Variants in SSX5 observed in about 807,000 individuals in gnomAD.
The protein encoded by SSX5 is SSX family member 5.
A neutral mutation model predicts 14.9 loss-of-function variants in SSX5; 14 were observed. The observed-to-expected ratio is 0.94, with a 90% CI of 0.62 to 1.47. The LOEUF (loss-of-function observed/expected upper bound fraction) is 1.47, where lower values mean the gene tolerates loss of function less well. Among genes scored for constraint, SSX5 ranks in the 40% most tolerant of loss-of-function variants. The pLI is 0.00. For synonymous variants in SSX5, 70 were observed against 55.4 expected, an observed-to-expected ratio of 1.26 and a Z score of -1.17; for missense variants, 204 against 154.6, an observed-to-expected ratio of 1.32 and a Z score of -1.70.
In SSX5 at chrX:48,194,166, C is replaced by G; in HGVS notation, c.243G>C (p.Gly81=). 1 of 1,210,576 alleles carries G rather than the reference C, an allele frequency of 8.3e-7. No homozygotes were observed. Among genetic ancestry groups the G allele is most frequent in the South Asian group, 1.8e-5 (1 of 56,901 alleles). ...MRNKRVADFQ[G]NDFDNDPNRG... ...GGTTAGGGTCATTATCAAAATCATT[C>G]CCCTGGAAGTCTGCGACCCGTTTAT... The change falls in exon 4 of 8, where the codon GGG becomes GGC. Residue 81 remains glycine, a synonymous_variant. Transcript: ENST00000347757.
In SSX5 at chrX:48,194,796, G is replaced by C. The variant is rs781880821; in HGVS notation, c.128C>G (p.Ser43Trp). Residue 43 changes from serine (S) to tryptophan (W), a missense_variant, in exon 3 of 8, where the codon TCG becomes TGG. Transcript: ENST00000347757. ...CATATACACATAGATGATTTTCTCC[G>C]AGGCTTTCATCTTTTCCCACTCTTT... The part of the protein sequence containing the change: ...SEKEWEKMKA[S>W]EKIIYVYMKR... 1 of 1,210,386 alleles carries C rather than the reference G, an allele frequency of 8.3e-7. No homozygotes were observed. Among genetic ancestry groups the C allele is most frequent in the East Asian group, 3.0e-5 (1 of 33,834 alleles).
chrX:48,196,267 A>T (rs868962457), intron 1 of SSX5, among the ~76,000 whole-genome samples: 4 of 111,158 alleles, frequency 3.6e-5, no homozygotes, highest in Non-Finnish European at 3.8e-5. Flanking sequence ...TACTAAAACA[A>T]AACAAAATAA....
Position 48,194,156 on chromosome X carries a change from CA to C in SSX5, c.252del (p.Phe84LeufsTer16). 1 of 1,210,685 alleles carries C rather than the reference CA, an allele frequency of 8.3e-7. No individual in the cohort carries two copies. The highest frequency in any genetic ancestry group is 1.1e-6 in the Non-Finnish European group (1 of 895,122). On this transcript the variant is annotated frameshift_variant, in exon 4 of 8. Transcript: ENST00000347757. LOFTEE classifies it high-confidence loss of function. ...TGATTCCCACGGTTAGGGTCATTAT[CA>C]AAATCATTCCCCTGGAAGTCTGCGA... ...KRVADFQGNDFDNDPNRGNQV... is the reference protein window; with the variant it reads ...KRVADFQGNDXDNDPNRGNQV...
rs144712657 is a variant in SSX5 at position 48,194,257 on chromosome X, G to T, written c.185-33C>A. The T allele has an allele frequency of 2.8e-3, 3,292 of 1,180,734 alleles. 103 individuals carry two copies. In the East Asian group the frequency reaches 0.093, roughly 33 times the overall value. On this transcript the variant is annotated intron_variant, in intron 3 of 7. Coordinates refer to ENST00000347757, the MANE Select transcript of SSX5 (RefSeq NM_175723.2). ...GAAGCAAAATGTTTATTCCTTAAGA[G>T]ACAAGCTTAGGCCTGGTATGGTGGC... is the stretch of plus-strand genomic sequence containing the variant.
rs1295518233 is a variant in SSX5 at position 48,191,562 on chromosome X, A to C, written c.330+670T>G. Among the ~76,000 whole-genome samples, 9 of 111,664 alleles carry C rather than the reference A, an allele frequency of 8.1e-5. No homozygotes were observed. In the Admixed American group the frequency reaches 8.6e-4, roughly 11 times the overall value. On this transcript the variant is annotated intron_variant, in intron 5 of 7. Coordinates refer to ENST00000347757, the MANE Select transcript of SSX5 (RefSeq NM_175723.2). ...GTCAAAGCGATTCCTAAGCCATGCA[A>C]GTGGCCCCAGTAACAGATCAGAGAC...
At chrX:48,195,085 A>G (rs782399087) in intron 2 of SSX5, 1 of 1,211,486 alleles carries the variant, frequency 8.3e-7, no homozygotes, top group African/African-American at 1.7e-5. Flanking sequence ...ACGGACTGAG[A>G]TTCACCAAAT....
chrX:48,188,510 CTT>C (rs1556924212), intron 6 of SSX5, among the ~76,000 whole-genome samples: 1 of 112,391 alleles, frequency 8.9e-6, no homozygotes, highest in East Asian at 2.8e-4. Flanking sequence ...AGTTGACAAA[CTT>C]AATCGACAAA....
chrX:48,189,623 G>A (rs782361793), intron 6 of SSX5, among the ~76,000 whole-genome samples: 2 of 112,580 alleles, frequency 1.8e-5, no homozygotes, highest in Admixed American at 1.9e-4. Context: ...GTAGACTTCA[G>A]TATATTGTAA....
At chrX:48,190,013 C>A in intron 6 of SSX5, 120 bp downstream of exon 6, 3 of 978,128 alleles carry the variant, frequency 3.1e-6, no homozygotes, top group South Asian at 3.0e-5. Flanking sequence ...TGGAGCTGGG[C>A]GAGCTCCTCA....
chrX:48,192,372 A>T (rs1177217922), intron 4 of SSX5, 91 bp from the exon 5 acceptor site: 1 of 1,122,620 alleles, frequency 8.9e-7, no homozygotes, highest in Non-Finnish European at 1.2e-6. Flanking sequence ...TCTGCAGCAG[A>T]GGTTATGAGT....
chrX:48,195,216 C>T, intron 2 of SSX5, 74 bp downstream of exon 2: 1 of 1,205,205 alleles, frequency 8.3e-7, no homozygotes, highest in Non-Finnish European at 1.1e-6. Flanking sequence ...TACCTCTGTC[C>T]TCCCCTCCTC....
Position 48,186,871 on chromosome X carries a change from G to T in SSX5, c.*5-15C>A, listed in dbSNP as rs1556923858. 4.2e-6 allele frequency: 5 copies of T among 1,197,861 alleles called. No individual in the cohort carries two copies. The highest frequency in any genetic ancestry group is 3.5e-5 in the South Asian group (2 of 56,887). ...TATCCCCGAGGCTGAGGCAAGAAGC[G>T]AGAAGGAAAGTAAGTGGCAGTGAGT... On this transcript the variant is annotated splice_polypyrimidine_tract_variant and intron_variant, in intron 7 of 7. Transcript: ENST00000347757.
intron 5 of SSX5, among the ~76,000 whole-genome samples, 195 bp from the exon 6 acceptor site, chrX:48,190,463 T>A (rs1219776696): frequency 8.9e-6 from 1 of 111,943 alleles, no homozygotes; most frequent in Non-Finnish European, 1.9e-5. Flanking sequence ...GAATATGGTT[T>A]CCAGGGATAG....
Position 48,191,750 on chromosome X carries a change from C to T in SSX5, c.330+482G>A, listed in dbSNP as rs145096372. ...CTGGATTAGACTACCACTGCCACTG[C>T]GCCTCAGGAAAATTCTTTAACATCT... On this transcript the variant is annotated intron_variant, in intron 5 of 7. Coordinates refer to ENST00000347757, the MANE Select transcript of SSX5 (RefSeq NM_175723.2). 6.0e-3 allele frequency among the ~76,000 whole-genome samples: 676 copies of T among 112,170 alleles called. 5 individuals carry two copies. Among genetic ancestry groups the T allele is most frequent in the African/African-American group, 0.021 (656 of 30,929 alleles).
In SSX5 at chrX:48,186,784, G is replaced by A. The variant is rs1367204163; in HGVS notation, c.*77C>T. ...CTATACACCTGATGACGAGGGATCC[G>A]CAGCCATGCCCATGTTCGTGAAAGG... On this transcript the variant is annotated 3_prime_UTR_variant, in exon 8 of 8. Coordinates refer to ENST00000347757, the MANE Select transcript of SSX5 (RefSeq NM_175723.2). The A allele has an allele frequency of 5.0e-6, 6 of 1,195,070 alleles. No individual in the cohort carries two copies. Among genetic ancestry groups the A allele is most frequent in the African/African-American group, 3.5e-5 (2 of 56,928 alleles).
chrX:48,195,005 A>T (rs781912944), intron 2 of SSX5, 151 bp from the exon 3 acceptor site: 3 of 1,209,877 alleles, frequency 2.5e-6, no homozygotes, highest in African/African-American at 1.7e-5. Flanking sequence ...TGGGGCACCT[A>T]CCCTAGCTTC....
Position 48,187,634 on chromosome X carries a change from C to T in SSX5, c.564G>A (p.Glu188=). ...AGCCAAAGGTTCACTTACGGAGTTA[C>T]TCGTCATCTTCCTGAGGGTCGCTGA... The part of the protein sequence containing the change: ...EEISDPQEDD[E] The change falls in exon 7 of 8, where the codon GAG becomes GAA. Residue 188 remains glutamate, a synonymous_variant. Transcript: ENST00000347757. The T allele has an allele frequency of 8.3e-7, 1 of 1,208,807 alleles. No individual in the cohort carries two copies. The highest frequency in any genetic ancestry group is 1.1e-6 in the Non-Finnish European group (1 of 894,335).
At chrX:48,194,290 T>C in intron 3 of SSX5, 66 bp from the exon 4 acceptor site, 1 of 1,101,294 alleles carries the variant, frequency 9.1e-7, no homozygotes, top group South Asian at 1.8e-5. Context: ...GGCTCATGTC[T>C]GTAGTAGCAG....
chrX:48,187,478 G>A, intron 7 of SSX5, 149 bp downstream of exon 7: 5 of 785,542 alleles, frequency 6.4e-6, no homozygotes, highest in Non-Finnish European at 9.1e-6. Flanking sequence ...AAAAAACATG[G>A]GAAATTTCAT....
Sources: allele counts gnomAD v4.1 joint callset (sites outside exome capture counted in the v4.1 genomes callset), GRCh38; gene constraint gnomAD v4.1.1; transcripts MANE v1.5; gene names NCBI Gene and HGNC (gene_info 2026-07-23, HGNC 2026-07-21).